USP12: variants seen among roughly 807,000 people sequenced by gnomAD.
The protein encoded by USP12 is ubiquitin carboxyl-terminal hydrolase 12.
USP12 carries 19 observed loss-of-function variants against 45.5 expected under a neutral mutation model. The observed-to-expected ratio is 0.42, with a 90% CI of 0.29 to 0.61. USP12 has a LOEUF of 0.61. Ranked by LOEUF, USP12 falls within the 20% of genes least tolerant of loss-of-function variation. USP12 has a pLI of 0.22. For synonymous variants in USP12, 149 were observed against 148.8 expected (o/e 1.00, Z -0.01); for missense variants, 242 against 447.7 (o/e 0.54, Z 4.15).
At chr13:27,136,102 T>G (rs1265826812) in intron 1 of USP12, among the ~76,000 whole-genome samples, 3 of 152,226 alleles carry the variant, frequency 2.0e-5, no homozygotes, top group Non-Finnish European at 4.4e-5. Flanking sequence ...TTCCATGTTC[T>G]GTTTAACCCA....
intron 1 of USP12, among the ~76,000 whole-genome samples, chr13:27,147,153 G>C (rs1018393523): frequency 6.6e-6 from 1 of 152,124 alleles, no homozygotes; most frequent in Non-Finnish European, 1.5e-5. Context: ...TATCTGTTAG[G>C]AAAGACCCTA....
At chr13:27,112,051 C>T (rs577154441) in intron 2 of USP12, among the ~76,000 whole-genome samples, 21 of 152,184 alleles carry the variant, frequency 1.4e-4, no homozygotes, top group African/African-American at 5.1e-4. Flanking sequence ...AAATGCCTGC[C>T]TTGAGAGCCC....
intron 4 of USP12, among the ~76,000 whole-genome samples, chr13:27,092,549 A>G (rs1050662793): frequency 6.6e-6 from 1 of 152,246 alleles, no homozygotes; most frequent in African/African-American, 2.4e-5. Context: ...GACAGTGACC[A>G]GAAATACACT....
At chr13:27,145,685 G>A (rs1349503540) in intron 1 of USP12, among the ~76,000 whole-genome samples, 1 of 151,726 alleles carries the variant, frequency 6.6e-6, no homozygotes, top group Non-Finnish European at 1.5e-5. Context: ...TTATCTAGTT[G>A]TTTCATAAAG....
intron 7 of USP12, among the ~76,000 whole-genome samples, chr13:27,073,930 AG>A: frequency 6.6e-6 from 1 of 152,268 alleles, no homozygotes; most frequent in East Asian, 1.9e-4. Flanking sequence ...CACTACACCA[AG>A]GTTCTTTAAG....
chr13:27,135,441 G>T (rs1444420389), intron 1 of USP12, among the ~76,000 whole-genome samples: 1 of 152,128 alleles, frequency 6.6e-6, no homozygotes. Context: ...GGCCGGGCAT[G>T]CTGGCTCACG....
intron 1 of USP12, among the ~76,000 whole-genome samples, chr13:27,136,340 A>G (rs1013446860): frequency 1.3e-5 from 2 of 152,178 alleles, no homozygotes; most frequent in Admixed American, 6.5e-5. Context: ...TCTACTAAAA[A>G]TACAAAAATC....
At chr13:27,128,430 C>G (rs1429858778) in intron 1 of USP12, among the ~76,000 whole-genome samples, 4 of 152,146 alleles carry the variant, frequency 2.6e-5, no homozygotes, top group African/African-American at 9.7e-5. Context: ...ACTTTCCTAA[C>G]AATACAAAAA....
chr13:27,081,375 G>C (rs142811180), intron 6 of USP12, among the ~76,000 whole-genome samples: 2 of 152,248 alleles, frequency 1.3e-5, no homozygotes, highest in Middle Eastern at 3.4e-3. Flanking sequence ...TCTTCCATAA[G>C]AAGCAACTTC....
chr13:27,130,252 C>T (rs1468653561), intron 1 of USP12, among the ~76,000 whole-genome samples: 1 of 152,172 alleles, frequency 6.6e-6, no homozygotes, highest in African/African-American at 2.4e-5. Context: ...TTGTTTCTGT[C>T]CCCTTAGGCT....
intron 1 of USP12, among the ~76,000 whole-genome samples, chr13:27,154,784 T>G (rs1251336102): frequency 2.6e-5 from 4 of 152,110 alleles, no homozygotes; most frequent in Admixed American, 6.6e-5. Flanking sequence ...TGAGAGAGTA[T>G]CCCAGATTAC....
intron 2 of USP12, among the ~76,000 whole-genome samples, chr13:27,115,735 G>A (rs895216192): frequency 1.7e-4 from 26 of 152,110 alleles, no homozygotes; most frequent in Admixed American, 4.6e-4. Context: ...CATAAGAACT[G>A]GGATGTGCTT....
rs201354369 is a variant in USP12, at chr13:27,130,537, C to CAA, written c.49-13942_49-13941insTT. ...TCAAACTGTTCAGTTCTCACACACA[C>CAA]ACAAAAAAAATCACAAAACATGCCA... On this transcript the variant is annotated intron_variant, in intron 1 of 8. Transcript: ENST00000282344. 2.9e-4 allele frequency among the ~76,000 whole-genome samples: 34 copies of CAA among 118,528 alleles called. No individual in the cohort carries two copies. The East Asian group carries it at 6.5e-3, about 23-fold the overall frequency. 77.8% of individuals were successfully genotyped at this position (118,528 alleles called of 152,430 possible).
rs1873426767 is a variant in USP12, at chr13:27,075,315, G to A, written c.808C>T (p.Arg270Ter). 1 of 1,614,100 alleles carries A rather than the reference G, an allele frequency of 6.2e-7. No individual in the cohort carries two copies. Among genetic ancestry groups the A allele is most frequent in the Non-Finnish European group, 8.5e-7 (1 of 1,179,996 alleles). The stretch of plus-strand genomic sequence containing the variant: ...ACCCGGTAAGAGAGTTTTGTATATC[G>A]ATGAAGTTGATCCATATATTTAAAT... The part of the protein sequence containing the change: ...KRFKYMDQLH[R>*]YTKLSYRVVF... The change falls in exon 7 of 9, where the codon CGA becomes TGA. Residue 270 changes from arginine (R) to a stop codon, truncating the protein, a stop_gained. Coordinates refer to ENST00000282344, the MANE Select transcript of USP12 (RefSeq NM_182488.4). LOFTEE classifies it high-confidence loss of function.
At chr13:27,142,970 G>A (rs1191504806) in intron 1 of USP12, among the ~76,000 whole-genome samples, 1 of 152,104 alleles carries the variant, frequency 6.6e-6, no homozygotes, top group Non-Finnish European at 1.5e-5. Flanking sequence ...CCACACGCCT[G>A]TAGTCCCAGC....
chr13:27,089,226 T>A (rs552541432), intron 6 of USP12, among the ~76,000 whole-genome samples: 1 of 152,344 alleles, frequency 6.6e-6, no homozygotes, highest in East Asian at 1.9e-4. Flanking sequence ...GCAGTAACAG[T>A]AGCATGTCAG....
At chr13:27,098,032 A>C (rs999829933) in intron 3 of USP12, among the ~76,000 whole-genome samples, 1 of 139,010 alleles carries the variant, frequency 7.2e-6, no homozygotes, top group African/African-American at 2.7e-5. Context: ...GTTGCCCAGG[A>C]TGGAGTGCAA....
rs571797547 is a variant in USP12, at chr13:27,137,795, CTA to C, written c.49-21201_49-21200del. Among the ~76,000 whole-genome samples the C allele has an allele frequency of 7.0e-3, 1,065 of 152,334 alleles. 7 individuals carry two copies. The highest frequency in any genetic ancestry group is 0.014 in the Middle Eastern group (4 of 294). On this transcript the variant is annotated intron_variant, in intron 1 of 8. Transcript: ENST00000282344. ...AAGAGATGGGATGTCACTTCTGTGA[CTA>C]TGTGACATAATGTAAGACTCCATAC...
intron 6 of USP12, among the ~76,000 whole-genome samples, chr13:27,081,113 T>C (rs970092612): frequency 3.3e-5 from 5 of 151,702 alleles, no homozygotes; most frequent in Non-Finnish European, 7.4e-5. Flanking sequence ...CTGAGGCAAT[T>C]TCTCAAAATA....
Sources: allele counts gnomAD v4.1 joint callset (sites outside exome capture counted in the v4.1 genomes callset), GRCh38; gene constraint gnomAD v4.1.1; transcripts MANE v1.5; gene names NCBI Gene and HGNC (gene_info 2026-07-23, HGNC 2026-07-21).